Variants in SPOCK3 observed in about 807,000 individuals in gnomAD.
SPOCK3 encodes the protein testican-3.
Under a neutral mutation model 56.6 loss-of-function variants are expected in SPOCK3, and 30 were observed. The ratio of observed to expected loss-of-function variants is 0.53; its 90% CI spans 0.40 to 0.72. SPOCK3 has a LOEUF of 0.72. Ranked by LOEUF, SPOCK3 falls within the 30% of genes least tolerant of loss-of-function variation. The pLI is 0.00. For missense variants in SPOCK3, 527 were observed against 530.0 expected (o/e 0.99, Z 0.06); for synonymous variants, 196 against 183.3 (o/e 1.07, Z -0.56).
intron 2 of SPOCK3, among the ~76,000 whole-genome samples, chr4:167,076,198 T>C (rs1369415846): frequency 6.6e-6 from 1 of 151,848 alleles, no homozygotes; most frequent in Admixed American, 6.6e-5. Flanking sequence ...GGAAACTATT[T>C]AGTGCCATAC....
Position 167,061,824 on chromosome 4 carries a change from A to G in SPOCK3, c.235+668T>C, listed in dbSNP as rs193193580. Among the ~76,000 whole-genome samples the G allele has an allele frequency of 1.1e-3, 164 of 152,102 alleles. 1 individual carries two copies. The highest frequency in any genetic ancestry group is 6.8e-3 in the Middle Eastern group (2 of 294). On this transcript the variant is annotated intron_variant, in intron 3 of 10. Transcript: ENST00000357545. ...GTTACAAAAAGAAACTTTAAAAGTA[A>G]GATACTTTTTAAATGTGAACTTTAG...
chr4:166,819,868 C>A (rs1406395957), intron 6 of SPOCK3, among the ~76,000 whole-genome samples: 1 of 151,830 alleles, frequency 6.6e-6, no homozygotes, highest in Non-Finnish European at 1.5e-5. Context: ...TACAGGCATG[C>A]ACCACCATGC....
chr4:167,034,698 A>T (rs17052875), intron 3 of SPOCK3, among the ~76,000 whole-genome samples: 5 of 152,126 alleles, frequency 3.3e-5, no homozygotes, highest in Non-Finnish European at 7.4e-5. Flanking sequence ...AATTTAACTT[A>T]AGCCAACAAT....
chr4:167,025,488 A>AG (rs1189491574), intron 3 of SPOCK3, among the ~76,000 whole-genome samples: 2 of 152,118 alleles, frequency 1.3e-5, no homozygotes, highest in African/African-American at 4.8e-5. Flanking sequence ...GATTTAACTT[A>AG]GAAATAATAT....
chr4:166,918,401 A>T (rs1313576673), intron 4 of SPOCK3: 2 of 152,152 alleles, frequency 1.3e-5, no homozygotes, highest in Non-Finnish European at 1.5e-5. Flanking sequence ...TCAGCCTCCT[A>T]TCCAAATACT....
chr4:166,912,567 A>G (rs1737400150), intron 5 of SPOCK3, 53 bp downstream of exon 5: 1 of 1,518,342 alleles, frequency 6.6e-7, no homozygotes. Flanking sequence ...TTAATCATTT[A>G]CTAATAAGTA....
chr4:167,221,398 C>CA (rs931664543), intron 2 of SPOCK3, among the ~76,000 whole-genome samples: 1 of 151,578 alleles, frequency 6.6e-6, no homozygotes, highest in Non-Finnish European at 1.5e-5. Flanking sequence ...TATAATACAA[C>CA]AAAAAAAGCA....
At chr4:166,817,342 C>T (rs1364191203) in intron 6 of SPOCK3, among the ~76,000 whole-genome samples, 1 of 152,016 alleles carries the variant, frequency 6.6e-6, no homozygotes, top group Non-Finnish European at 1.5e-5. Context: ...CCTTTTTACT[C>T]TCAAGGGAGA....
intron 2 of SPOCK3, among the ~76,000 whole-genome samples, chr4:167,203,169 AT>A (rs1223939650): frequency 6.6e-6 from 1 of 151,868 alleles, no homozygotes; most frequent in African/African-American, 2.4e-5. Context: ...TTACTTACTG[AT>A]TTTTTTAGTA....
chr4:166,767,858 C>G (rs9684835), intron 7 of SPOCK3, among the ~76,000 whole-genome samples: 3 of 151,604 alleles, frequency 2.0e-5, no homozygotes, highest in Admixed American at 1.3e-4. Context: ...ATTTGCTTTA[C>G]GAATCTGGAT....
intron 4 of SPOCK3, among the ~76,000 whole-genome samples, chr4:166,931,351 A>T (rs963579196): frequency 1.3e-4 from 20 of 152,154 alleles, no homozygotes; most frequent in African/African-American, 4.3e-4. Flanking sequence ...GGGGCAAGAA[A>T]ACCTTTGAGT....
chr4:167,085,394 G>A (rs1758104490), intron 2 of SPOCK3, among the ~76,000 whole-genome samples: 1 of 152,026 alleles, frequency 6.6e-6, no homozygotes, highest in African/African-American at 2.4e-5. Context: ...AAAAATGAAA[G>A]TTAAATTTAT....
At chr4:167,083,268 C>T in intron 2 of SPOCK3, 1 of 765,304 alleles carries the variant, frequency 1.3e-6, no homozygotes, top group East Asian at 2.4e-5. Flanking sequence ...CCTAAGATTC[C>T]TCCAACCAAG....
chr4:166,983,428 C>A (rs1436713333), intron 4 of SPOCK3, among the ~76,000 whole-genome samples: 5 of 152,012 alleles, frequency 3.3e-5, no homozygotes, highest in Non-Finnish European at 5.9e-5. Context: ...GATAACATGT[C>A]ATATTTACCT....
intron 6 of SPOCK3, among the ~76,000 whole-genome samples, chr4:166,842,178 G>C (rs1263968177): frequency 6.6e-6 from 1 of 152,208 alleles, no homozygotes; most frequent in Non-Finnish European, 1.5e-5. Context: ...GTGAGCAGCA[G>C]CAAGATTTAT....
At chr4:166,941,737 G>C (rs1475875411) in intron 4 of SPOCK3, among the ~76,000 whole-genome samples, 1 of 152,176 alleles carries the variant, frequency 6.6e-6, no homozygotes, top group East Asian at 1.9e-4. Context: ...GCTCTCTCTT[G>C]AATTACTCGC....
intron 4 of SPOCK3, among the ~76,000 whole-genome samples, chr4:166,983,063 T>C (rs1172349716): frequency 1.3e-5 from 2 of 152,296 alleles, no homozygotes; most frequent in East Asian, 3.9e-4. Flanking sequence ...CTATATAAAA[T>C]GTATTTGCAT....
chr4:167,003,137 A>G (rs1314381462), intron 3 of SPOCK3, among the ~76,000 whole-genome samples: 1 of 152,060 alleles, frequency 6.6e-6, no homozygotes, highest in Non-Finnish European at 1.5e-5. Context: ...GTTCTGTCAC[A>G]CAGTTTTGTC....
intron 4 of SPOCK3, among the ~76,000 whole-genome samples, chr4:166,955,488 ATAT>A (rs1222990039): frequency 2.1e-5 from 3 of 146,076 alleles, no homozygotes; most frequent in Non-Finnish European, 4.5e-5. Context: ...TAATTATATT[ATAT>A]TATTAAATTA....
Sources: gnomAD v4.1 joint callset for allele counts (sites outside exome capture counted in the v4.1 genomes callset) on GRCh38, gnomAD v4.1.1 for gene constraint, MANE v1.5 for transcripts, NCBI Gene and HGNC (gene_info 2026-07-23, HGNC 2026-07-21) for gene names.